The following SYTL2 variants were observed in gnomAD, a reference collection of about 807,000 sequenced individuals.
SYTL2 encodes the protein synaptotagmin-like protein 2.
Under a neutral mutation model 198.7 loss-of-function variants are expected in SYTL2, and 165 were observed. The ratio of observed to expected loss-of-function variants is 0.83; its 90% CI spans 0.73 to 0.94. SYTL2 has a LOEUF of 0.94. SYTL2 is among the 40% of genes least tolerant of loss of function. The pLI is 0.00. For missense variants in SYTL2, 2,835 were observed against 2,582.8 expected (o/e 1.10, Z -2.12); for synonymous variants, 966 against 917.7 (o/e 1.05, Z -0.95).
the SYTL2 span, among the ~76,000 whole-genome samples, chr11:85,845,572 G>A: frequency 5.9e-5 from 9 of 152,192 alleles, 1 homozygote; most frequent in Middle Eastern, 6.8e-3. Flanking sequence ...AGGTGAGCCT[G>A]GGCAACACAG....
intron 1 of SYTL2, among the ~76,000 whole-genome samples, chr11:85,769,801 G>A (rs1482153706): frequency 6.6e-6 from 1 of 152,164 alleles, no homozygotes; most frequent in Non-Finnish European, 1.5e-5. Flanking sequence ...GGGCTGGACA[G>A]GAGAACCACC....
At chr11:85,763,695 A>T (rs1485415001) in intron 1 of SYTL2, among the ~76,000 whole-genome samples, 2 of 150,928 alleles carry the variant, frequency 1.3e-5, no homozygotes, top group Non-Finnish European at 2.9e-5. Context: ...TCAAGAATGA[A>T]GGCTTCAAAA....
the SYTL2 span, among the ~76,000 whole-genome samples, chr11:85,830,894 T>C: frequency 6.6e-6 from 1 of 152,176 alleles, no homozygotes; most frequent in South Asian, 2.1e-4. Flanking sequence ...AAAAACTACC[T>C]ACATCCCAAG....
chr11:85,781,679 G>A (rs539520648), intron 1 of SYTL2, among the ~76,000 whole-genome samples: 2 of 152,304 alleles, frequency 1.3e-5, no homozygotes, highest in East Asian at 3.9e-4. Flanking sequence ...ATTCTAAATG[G>A]GAAAAGTTGG....
chr11:85,833,630 C>T, the SYTL2 span, among the ~76,000 whole-genome samples: 1 of 151,226 alleles, frequency 6.6e-6, no homozygotes, highest in Non-Finnish European at 1.5e-5. Flanking sequence ...AAACCTCACA[C>T]ATAAATATCC....
intron 2 of SYTL2, among the ~76,000 whole-genome samples, chr11:85,752,825 T>C (rs2091596322): frequency 6.7e-6 from 1 of 148,452 alleles, no homozygotes; most frequent in Non-Finnish European, 1.5e-5. Context: ...GTACAGTCCC[T>C]TGACAAATGT....
Position 85,733,946 on chromosome 11 carries a change from G to C in SYTL2, c.1383C>G (p.Ser461Arg). The change falls in exon 7 of 20, where the codon AGC becomes AGG. Residue 461 changes from serine to arginine, a missense_variant. Ser to Arg is a moderately radical substitution (Grantham distance 110). Coordinates refer to ENST00000359152, the MANE Select transcript of SYTL2 (RefSeq NM_206927.4). ...LTRLESVLPR[S>R]PADELSHCVE... ...TAGTGACAACTCTCTTACCAGCAGG[G>C]CTTCTGGGTAATACAGATTCAAGCC... 1 of 1,613,616 alleles carries C rather than the reference G, an allele frequency of 6.2e-7. No homozygotes were observed. The highest frequency in any genetic ancestry group is 1.3e-5 in the African/African-American group (1 of 74,998).
chr11:85,721,170 G>C (rs968998604), intron 8 of SYTL2, among the ~76,000 whole-genome samples: 19 of 152,144 alleles, frequency 1.2e-4, no homozygotes, highest in African/African-American at 4.6e-4. Flanking sequence ...ATTTGCAAAC[G>C]TAAACCCTAC....
chr11:85,717,867 G>A (rs1415083327), intron 10 of SYTL2: 2 of 332,676 alleles, frequency 6.0e-6, no homozygotes, highest in Non-Finnish European at 1.2e-5. Context: ...ACTAACTATA[G>A]GATCTTAGAA....
At chr11:85,807,488 T>A (rs1490315669) in intron 1 of SYTL2, among the ~76,000 whole-genome samples, 2 of 152,204 alleles carry the variant, frequency 1.3e-5, no homozygotes, top group Middle Eastern at 3.2e-3. Context: ...TTCTGGTAAG[T>A]GAGGATAGAA....
chr11:85,727,632 G>C lies in SYTL2; in HGVS notation c.1726C>G (p.Leu576Val), dbSNP rs1258664277. Residue 576 changes from leucine (L) to valine (V), a missense_variant, in exon 8 of 20, where the codon CTA (leucine) becomes GTA (valine). Leu to Val is a conservative substitution (Grantham distance 32, BLOSUM62 1). This residue lies in a region of SYTL2 where 2,645 missense variants were observed against 2,381.7 expected (regional missense o/e 1.11). Coordinates refer to ENST00000359152, the MANE Select transcript of SYTL2 (RefSeq NM_206927.4). ...TTCAATTCAATTTTGCTGGGTGATA[G>C]GGTCTTTGAGCCATTTTCTCTTAAA... ...TTLRENGSKT[L>V]SPSKIELKPV... 2.6e-6 allele frequency: 4 copies of C among 1,536,120 alleles called. No individual in the cohort carries two copies. Among genetic ancestry groups the C allele is most frequent in the Non-Finnish European group, 3.5e-6 (4 of 1,146,812 alleles).
chr11:85,724,854 C>G lies in SYTL2; in HGVS notation c.4504G>C (p.Glu1502Gln). ...SEFLEFSAGLEKLLKEETETF... is the reference protein window; with the variant it reads ...SEFLEFSAGLQKLLKEETETF... ...TCAGTTTCTTCCTTCAGTAGTTTTTCTAAGCCAGCACTGAATTCGAGGAAC... is the reference window on the plus strand; with the variant it reads ...TCAGTTTCTTCCTTCAGTAGTTTTTGTAAGCCAGCACTGAATTCGAGGAAC... Residue 1502 changes from glutamate (E) to glutamine (Q), a missense_variant, in exon 8 of 20, where the codon GAA (glutamate) becomes CAA (glutamine). By Grantham distance (29) the Glu-to-Gln change is conservative. This residue lies in a region of SYTL2 where 2,645 missense variants were observed against 2,381.7 expected (regional missense o/e 1.11). Coordinates refer to ENST00000359152, the MANE Select transcript of SYTL2 (RefSeq NM_206927.4). 6.2e-7 allele frequency: 1 copy of G among 1,613,652 alleles called. No homozygotes were observed. Among genetic ancestry groups the G allele is most frequent in the Middle Eastern group, 1.7e-4 (1 of 6,058 alleles).
At chr11:85,788,821 C>T (rs2092678067) in intron 1 of SYTL2, among the ~76,000 whole-genome samples, 2 of 151,618 alleles carry the variant, frequency 1.3e-5, no homozygotes, top group African/African-American at 4.8e-5. Flanking sequence ...ATGACTGAGA[C>T]ACAGAATGTC....
chr11:85,736,787 A>G (rs762838104), intron 5 of SYTL2, among the ~76,000 whole-genome samples, 172 bp from the exon 6 acceptor site: 2 of 152,234 alleles, frequency 1.3e-5, no homozygotes, highest in South Asian at 2.1e-4. Context: ...GTTACCATAT[A>G]TGCCATTTAA....
At position 85,711,110 on chromosome 11, in the gene SYTL2, T is replaced by C. The variant is rs1292160687; in HGVS notation, c.5745+3A>G. On this transcript the variant is annotated splice_donor_region_variant and intron_variant, in intron 13 of 19. Transcript: ENST00000359152. ...TATTAATATGGAGCCTTTGTTTACA[T>C]ACAGAAGACAAGGACGTCATGCCAG... 6.2e-7 allele frequency: 1 copy of C among 1,613,898 alleles called. No homozygotes were observed. The highest frequency in any genetic ancestry group is 1.7e-5 in the Admixed American group (1 of 59,974).
chr11:85,697,175 C>T (rs992304000), intron 18 of SYTL2, among the ~76,000 whole-genome samples: 4 of 151,696 alleles, frequency 2.6e-5, no homozygotes, highest in African/African-American at 9.7e-5. Flanking sequence ...TAAATAATAT[C>T]ATCTATGCTA....
chr11:85,706,926 C>T (rs1222335035), intron 15 of SYTL2, among the ~76,000 whole-genome samples: 2 of 151,978 alleles, frequency 1.3e-5, no homozygotes, highest in African/African-American at 2.4e-5. Flanking sequence ...CTGCAACCTC[C>T]GCCTCCCTGG....
At chr11:85,842,075 G>A in the SYTL2 span, among the ~76,000 whole-genome samples, 2 of 152,210 alleles carry the variant, frequency 1.3e-5, no homozygotes, top group African/African-American at 4.8e-5. Context: ...GTGAAGCAGA[G>A]AGACATGGTC....
upstream of SYTL2, among the ~76,000 whole-genome samples, chr11:85,812,781 A>G (rs2093051890): frequency 6.6e-6 from 1 of 151,792 alleles, no homozygotes; most frequent in African/African-American, 2.4e-5. Context: ...AGGTGGGCAG[A>G]TGTTGGAGGA....
Sources: allele counts gnomAD v4.1 joint callset (sites outside exome capture counted in the v4.1 genomes callset), GRCh38; gene constraint gnomAD v4.1.1; regional missense constraint gnomAD v4.1.1; transcripts MANE v1.5; gene names NCBI Gene and HGNC (gene_info 2026-07-23, HGNC 2026-07-21).